EYS: variants seen among roughly 807,000 people sequenced by gnomAD.
EYS encodes the protein protein eyes shut homolog.
A neutral mutation model predicts 282.1 loss-of-function variants in EYS; 250 were observed. The observed-to-expected ratio is 0.89, with a 90% confidence interval of 0.80 to 0.98. EYS has a LOEUF of 0.98. Ranked by LOEUF, EYS falls within the 50% of genes least tolerant of loss-of-function variation. The pLI is 0.00. For synonymous variants in EYS, 1,355 were observed against 1,282.9 expected, an observed-to-expected ratio of 1.06 and a Z score of -1.20; for missense variants, 4,016 against 3,709.0, an observed-to-expected ratio of 1.08 and a Z score of -2.15.
intron 12 of EYS, among the ~76,000 whole-genome samples, chr6:65,060,665 A>G (rs1773543977): frequency 6.6e-6 from 1 of 151,544 alleles, no homozygotes; most frequent in South Asian, 2.1e-4. Flanking sequence ...TCCTCTGCCT[A>G]TTCTTTCTGG....
intron 39 of EYS, among the ~76,000 whole-genome samples, chr6:63,784,128 C>T (rs1770306502): frequency 1.3e-5 from 2 of 152,202 alleles, no homozygotes; most frequent in African/African-American, 4.8e-5. Flanking sequence ...ACTCACACCA[C>T]TTGCTCTCCT....
At chr6:65,253,466 T>G (rs2150284597) in intron 12 of EYS, among the ~76,000 whole-genome samples, 1 of 152,014 alleles carries the variant, frequency 6.6e-6, no homozygotes, top group African/African-American at 2.4e-5. Flanking sequence ...CCTTTAACTG[T>G]TTTATGACCT....
intron 24 of EYS, among the ~76,000 whole-genome samples, chr6:64,602,097 A>G (rs1253394979): frequency 1.1e-4 from 16 of 151,998 alleles, no homozygotes; most frequent in Non-Finnish European, 1.3e-4. Flanking sequence ...TGACTACTAT[A>G]GTTTGAATTA....
At chr6:65,207,626 C>T (rs1409860208) in intron 12 of EYS, among the ~76,000 whole-genome samples, 1 of 151,560 alleles carries the variant, frequency 6.6e-6, no homozygotes. Context: ...GACGATAACA[C>T]ATACTACAAG....
In EYS at chr6:63,744,968, C is replaced by A. The variant is rs1463136046; in HGVS notation, c.8071+17493G>T. 1.9e-5 allele frequency: 8 copies of A among 430,588 alleles called. No homozygotes were observed. The East Asian group carries it at 2.3e-4, about 12-fold the overall frequency. The allele number at this position is 430,588 out of a possible 1,614,324, so 26.7% of individuals were successfully genotyped here. On this transcript the variant is annotated intron_variant, in intron 41 of 42. Transcript: ENST00000503581. The stretch of plus-strand genomic sequence containing the variant: ...TACCTCATCTCCATCATGAAAACCA[C>A]CAAAAATGTTGGATAAATTATTTGA...
chr6:64,780,399 C>T (rs546198465), intron 22 of EYS, among the ~76,000 whole-genome samples: 17 of 152,142 alleles, frequency 1.1e-4, no homozygotes, highest in African/African-American at 2.9e-4. Flanking sequence ...TTAATCTAAA[C>T]GAAATAACTC....
Position 64,591,651 on chromosome 6 carries a change from T to C in EYS, c.4216A>G (p.Thr1406Ala), listed in dbSNP as rs866402714. 6.4e-6 allele frequency: 10 copies of C among 1,551,070 alleles called. No individual in the cohort carries two copies. In the African/African-American group the frequency reaches 1.2e-4, roughly 19 times the overall value. ...CAGTTCTCAAATAATAAAGATTGTG[T>C]AGGAAAAATAAAATCTGACATTAAG... ...SSLMSDFIFP[T>A]QSLLFENCQT... Residue 1406 changes from threonine to alanine, a missense_variant, in exon 26 of 43, where the codon ACA becomes GCA. Thr to Ala is a moderately conservative substitution (Grantham distance 58, BLOSUM62 0). Coordinates refer to ENST00000503581, the MANE Select transcript of EYS (RefSeq NM_001142800.2).
intron 12 of EYS, among the ~76,000 whole-genome samples, chr6:65,101,380 G>GA (rs1345581661): frequency 1.3e-5 from 2 of 151,194 alleles, no homozygotes; most frequent in Non-Finnish European, 3.0e-5. Context: ...TTAACTTTTA[G>GA]AAAAAGTATT....
chr6:64,168,129 C>T (rs938037769), intron 31 of EYS, among the ~76,000 whole-genome samples: 2 of 152,050 alleles, frequency 1.3e-5, no homozygotes, highest in Non-Finnish European at 2.9e-5. Flanking sequence ...GAGCGTGGTG[C>T]GGAGGCCTGT....
intron 22 of EYS, among the ~76,000 whole-genome samples, chr6:64,673,372 CCTT>C (rs1769534451): frequency 6.6e-6 from 1 of 152,064 alleles, no homozygotes; most frequent in Admixed American, 6.6e-5. Context: ...AACACTAACT[CCTT>C]CATCATGTGA....
chr6:65,620,935 T>C (rs1395791739), intron 2 of EYS, among the ~76,000 whole-genome samples: 1 of 152,228 alleles, frequency 6.6e-6, no homozygotes, highest in Non-Finnish European at 1.5e-5. Context: ...TTATCATTTC[T>C]GTTCTTTTAC....
chr6:64,666,999 G>A (rs971305173), intron 22 of EYS, among the ~76,000 whole-genome samples: 9 of 151,812 alleles, frequency 5.9e-5, no homozygotes, highest in African/African-American at 2.2e-4. Flanking sequence ...CAGTTCAATG[G>A]CATTTAGGGA....
intron 30 of EYS, among the ~76,000 whole-genome samples, chr6:64,281,049 A>G (rs1386314092): frequency 2.6e-5 from 4 of 152,138 alleles, no homozygotes; most frequent in Non-Finnish European, 5.9e-5. Context: ...GGGCTCATGA[A>G]GGACAATGTA....
Position 64,365,952 on chromosome 6 carries a change from T to C in EYS, c.6078+22738A>G, listed in dbSNP as rs114385668. ...AACTAGAACAGAGTTCAGAGAATTA[T>C]ATTGTTTGTAATTTGAAAATATGTT... On this transcript the variant is annotated intron_variant, in intron 29 of 42. Transcript: ENST00000503581. Among the ~76,000 whole-genome samples the C allele has an allele frequency of 2.4e-3, 359 of 152,126 alleles. 1 individual carries two copies. The highest frequency in any genetic ancestry group is 8.3e-3 in the African/African-American group (344 of 41,532).
intron 22 of EYS, among the ~76,000 whole-genome samples, chr6:64,707,199 C>T (rs986556929): frequency 3.3e-5 from 5 of 151,912 alleles, no homozygotes; most frequent in African/African-American, 1.2e-4. Flanking sequence ...TTTCAGCAAT[C>T]TGAATAGAAT....
chr6:64,731,753 C>T (rs190505652), intron 22 of EYS, among the ~76,000 whole-genome samples: 4 of 152,200 alleles, frequency 2.6e-5, no homozygotes, highest in Admixed American at 6.5e-5. Flanking sequence ...GACAGTGTGG[C>T]GATTCCTGAA....
At chr6:64,045,594 C>T (rs140829319) in intron 33 of EYS, among the ~76,000 whole-genome samples, 7,743 of 151,120 alleles carry the variant, frequency 0.051, 260 homozygotes, top group South Asian at 0.1. Flanking sequence ...TACAGGCACC[C>T]GCCACCAGGC....
At chr6:64,250,009 A>T (rs1767155099) in intron 30 of EYS, among the ~76,000 whole-genome samples, 1 of 152,194 alleles carries the variant, frequency 6.6e-6, no homozygotes. Flanking sequence ...GAAAAATGTA[A>T]GTGAATCTCA....
chr6:64,854,781 T>C (rs987204191), intron 19 of EYS, among the ~76,000 whole-genome samples: 1 of 151,926 alleles, frequency 6.6e-6, no homozygotes, highest in African/African-American at 2.4e-5. Flanking sequence ...TCACTTACCT[T>C]CAATTTTTTT....
Sources: gnomAD v4.1 joint callset for allele counts (sites outside exome capture counted in the v4.1 genomes callset) on GRCh38, gnomAD v4.1.1 for gene constraint, MANE v1.5 for transcripts, NCBI Gene and HGNC (gene_info 2026-07-23, HGNC 2026-07-21) for gene names.